Variants in ROBO2 observed in about 807,000 individuals in gnomAD.
ROBO2 encodes the protein roundabout guidance receptor 2.
ROBO2 carries 53 observed loss-of-function variants against 160.8 expected under a neutral mutation model. That is an observed-to-expected ratio of 0.33 (90% CI 0.26 to 0.41). ROBO2 has a LOEUF of 0.41. Among genes scored for constraint, ROBO2 ranks in the 10% least tolerant of loss-of-function variants. The probability of loss-of-function intolerance (pLI) is 1.00; values close to 1 mark genes in which losing one functional copy is unlikely to be tolerated. For missense variants in ROBO2, 1,577 were observed against 1,722.4 expected (o/e 0.92, Z 1.49); for synonymous variants, 664 against 611.7 (o/e 1.09, Z -1.26).
At chr3:77,181,654 G>A (rs1027822192) in intron 2 of ROBO2, among the ~76,000 whole-genome samples, 24 of 152,022 alleles carry the variant, frequency 1.6e-4, no homozygotes, top group African/African-American at 5.6e-4. Flanking sequence ...CAAATAAAAT[G>A]TTTCGCTTGA....
chr3:76,910,778 G>A (rs1373424969), intron 2 of ROBO2, among the ~76,000 whole-genome samples: 1 of 142,132 alleles, frequency 7.0e-6, no homozygotes, highest in Non-Finnish European at 1.5e-5. Flanking sequence ...TTGTTACTAT[G>A]AAAATAATGT....
intron 2 of ROBO2, among the ~76,000 whole-genome samples, chr3:77,401,858 G>T (rs1346233713): frequency 1.3e-5 from 2 of 152,110 alleles, no homozygotes; most frequent in African/African-American, 4.8e-5. Flanking sequence ...ATCCACAATG[G>T]TTGAACTAAT....
At chr3:76,605,332 A>T (rs1335529155) in intron 2 of ROBO2, among the ~76,000 whole-genome samples, 1 of 152,114 alleles carries the variant, frequency 6.6e-6, no homozygotes, top group Non-Finnish European at 1.5e-5. Context: ...CTCAAATCAA[A>T]GTTAGAATTT....
chr3:76,871,436 C>T (rs2072055805), intron 2 of ROBO2, among the ~76,000 whole-genome samples: 1 of 149,904 alleles, frequency 6.7e-6, no homozygotes, highest in Non-Finnish European at 1.5e-5. Flanking sequence ...CGCCTGTAGT[C>T]CCAGCTACTT....
chr3:77,092,903 T>A (rs1240867249), intron 1 of ROBO2, among the ~76,000 whole-genome samples: 1 of 151,524 alleles, frequency 6.6e-6, no homozygotes, highest in Non-Finnish European at 1.5e-5. Context: ...ATAAATTTAT[T>A]TATAAAATAA....
chr3:76,460,536 AC>A (rs1387422152), intron 2 of ROBO2, among the ~76,000 whole-genome samples: 1 of 152,160 alleles, frequency 6.6e-6, no homozygotes, highest in East Asian at 1.9e-4. Context: ...AAACCAGCTG[AC>A]ATGTTGTAAG....
intron 2 of ROBO2, among the ~76,000 whole-genome samples, chr3:77,372,127 A>G (rs1383185578): frequency 6.6e-6 from 1 of 152,100 alleles, no homozygotes; most frequent in Non-Finnish European, 1.5e-5. Flanking sequence ...GAGATTTTAA[A>G]AAGGGGGAGA....
intron 2 of ROBO2, among the ~76,000 whole-genome samples, chr3:76,996,832 T>A (rs1234942832): frequency 6.6e-6 from 1 of 152,172 alleles, no homozygotes; most frequent in Non-Finnish European, 1.5e-5. Context: ...TTTTGGTGGC[T>A]TCTGGGTCTG....
At chr3:76,462,782 C>T (rs934120412) in intron 2 of ROBO2, among the ~76,000 whole-genome samples, 3 of 152,170 alleles carry the variant, frequency 2.0e-5, no homozygotes, top group African/African-American at 7.2e-5. Context: ...ATGTGAATTA[C>T]TGTCGGTCAT....
chr3:77,209,716 T>C (rs1360871667), intron 2 of ROBO2, among the ~76,000 whole-genome samples: 2 of 152,182 alleles, frequency 1.3e-5, no homozygotes, highest in Non-Finnish European at 2.9e-5. Context: ...AGTTTCCTAA[T>C]CTACAAAATT....
At chr3:77,418,089 A>T (rs970430748) in intron 2 of ROBO2, among the ~76,000 whole-genome samples, 13 of 152,308 alleles carry the variant, frequency 8.5e-5, no homozygotes, top group Admixed American at 6.5e-4. Flanking sequence ...TTCTTAAAAA[A>T]ATCTTGCTTT....
chr3:77,206,747 A>G (rs1295808327), intron 2 of ROBO2, among the ~76,000 whole-genome samples: 1 of 152,156 alleles, frequency 6.6e-6, no homozygotes, highest in African/African-American at 2.4e-5. Context: ...TACTCTCATC[A>G]GAAAATAATT....
intron 2 of ROBO2, among the ~76,000 whole-genome samples, chr3:76,746,081 G>C (rs2093885769): frequency 6.7e-6 from 1 of 149,144 alleles, no homozygotes; most frequent in Non-Finnish European, 1.5e-5. Context: ...AGAATATACA[G>C]TGTTTGGTTT....
chr3:77,271,023 A>G (rs2153354129), intron 2 of ROBO2, among the ~76,000 whole-genome samples: 1 of 152,072 alleles, frequency 6.6e-6, no homozygotes, highest in South Asian at 2.1e-4. Context: ...ATGAGAAATA[A>G]TATTTTACCA....
intron 2 of ROBO2, among the ~76,000 whole-genome samples, chr3:76,044,469 T>G (rs2067382051): frequency 6.6e-6 from 1 of 152,088 alleles, no homozygotes; most frequent in Non-Finnish European, 1.5e-5. Flanking sequence ...TTGTTATTAT[T>G]GTAAAGATTT....
chr3:76,317,883 A>G (rs1401766791), intron 2 of ROBO2, among the ~76,000 whole-genome samples: 1 of 152,038 alleles, frequency 6.6e-6, no homozygotes, highest in Non-Finnish European at 1.5e-5. Context: ...AATGAAAAAA[A>G]TGGTGCTTGA....
intron 1 of ROBO2, among the ~76,000 whole-genome samples, chr3:77,064,247 A>G (rs2066610877): frequency 6.6e-6 from 1 of 152,196 alleles, no homozygotes. Context: ...ATTAGTTTAT[A>G]AAAGTTTGTA....
At chr3:77,372,573 A>G (rs2071931253) in intron 2 of ROBO2, among the ~76,000 whole-genome samples, 1 of 152,152 alleles carries the variant, frequency 6.6e-6, no homozygotes, top group South Asian at 2.1e-4. Context: ...AGTTGCTTAA[A>G]GTCATAGAAT....
chr3:76,079,296 A>G (rs28863513), intron 2 of ROBO2, among the ~76,000 whole-genome samples: 23,956 of 152,076 alleles, frequency 0.16, 1,973 homozygotes, highest in African/African-American at 0.19. Flanking sequence ...AGAAGAGTGA[A>G]GTTGGAATGT....
Sources: gnomAD v4.1 joint callset for allele counts (sites outside exome capture counted in the v4.1 genomes callset) on GRCh38, gnomAD v4.1.1 for gene constraint, MANE v1.5 for transcripts, NCBI Gene and HGNC (gene_info 2026-07-23, HGNC 2026-07-21) for gene names.